The following ZNF786 variants were observed in gnomAD, a reference collection of about 807,000 sequenced individuals.
The protein encoded by ZNF786 is zinc finger protein 786.
A neutral mutation model predicts 63.1 loss-of-function variants in ZNF786; 56 were observed. That is an observed-to-expected ratio of 0.89 (90% CI 0.72 to 1.11). The LOEUF is 1.11. ZNF786 is among the 50% of genes least tolerant of loss of function. The pLI is 0.00. For missense variants in ZNF786, 1,213 were observed against 1,041.8 expected (o/e 1.16, Z -2.26); for synonymous variants, 485 against 406.9 (o/e 1.19, Z -2.31).
At position 149,071,527 on chromosome 7, in the gene ZNF786, G is replaced by T; in HGVS notation, c.1245C>A (p.His415Gln). Residue 415 changes from histidine (H) to glutamine (Q), a missense_variant, in exon 4 of 4, where the codon CAC becomes CAA. By Grantham distance (24) the His-to-Gln change is conservative. Coordinates refer to ENST00000491431, the MANE Select transcript of ZNF786 (RefSeq NM_152411.4). ...GTCTCTCCCCACCGTGCGCGTGCTG[G>T]TGGACCTGCAGCAGGCGGCGCAGGC... ...RFRLRRLLQV[H>Q]QHAHGGERPF... is the part of the protein sequence containing the mutation. 6.2e-7 allele frequency: 1 copy of T among 1,613,286 alleles called. No individual in the cohort carries two copies. Among genetic ancestry groups the T allele is most frequent in the Non-Finnish European group, 8.5e-7 (1 of 1,179,874 alleles).
At chr7:149,080,896 T>TGTTA (rs1156767605) in intron 1 of ZNF786, among the ~76,000 whole-genome samples, 179 bp from the exon 2 acceptor site, 1 of 152,214 alleles carries the variant, frequency 6.6e-6, no homozygotes, top group Non-Finnish European at 1.5e-5. Flanking sequence ...TGTTAACCAC[T>TGTTA]ACATCCCCCG....
In ZNF786 at chr7:149,071,874, G is replaced by A. The variant is rs762159166; in HGVS notation, c.898C>T (p.Pro300Ser). The change falls in exon 4 of 4, where the codon CCA (proline) becomes TCA (serine). Residue 300 changes from proline to serine, a missense_variant. Transcript: ENST00000491431. ...ACTGGGAGGGAGCGCTTGCCGCATG[G>A]GGTGCACTGGGCAGGCTTCTCCCCC... Reference protein sequence around the residue: ...QQGEKPAQCTPCGKRSLPVDS... With the variant: ...QQGEKPAQCTSCGKRSLPVDS... The A allele has an allele frequency of 2.5e-6, 4 of 1,601,174 alleles. No homozygotes were observed. In the South Asian group the frequency reaches 4.4e-5, roughly 18 times the overall value.
At chr7:149,075,796 G>A (rs1316676250) in intron 2 of ZNF786, among the ~76,000 whole-genome samples, 3 of 150,128 alleles carry the variant, frequency 2.0e-5, no homozygotes, top group African/African-American at 7.3e-5. Context: ...CCTGACAGCT[G>A]GGACTACAGG....
At chr7:149,074,738 G>A (rs774125521) in intron 2 of ZNF786, among the ~76,000 whole-genome samples, 200 bp from the exon 3 acceptor site, 6 of 151,602 alleles carry the variant, frequency 4.0e-5, no homozygotes, top group Admixed American at 6.6e-5. Context: ...GTTAGATCAG[G>A]TATGTTGTTT....
chr7:149,072,021 G>C lies in ZNF786; in HGVS notation c.751C>G (p.Arg251Gly), dbSNP rs773268792. The change falls in exon 4 of 4, where the codon CGG becomes GGG. Residue 251 changes from arginine (R) to glycine (G), a missense_variant. Arg to Gly is a moderately radical substitution (Grantham distance 125). Coordinates refer to ENST00000491431, the MANE Select transcript of ZNF786 (RefSeq NM_152411.4). ...RCGVCGKSFR[R>G]KLCLLRHLAA... ...AGATGGCGCAGCAGACACAGCTTCC[G>C]GCGGAAGCTCTTACCGCACACGCCA... 4 of 1,612,984 alleles carry C rather than the reference G, an allele frequency of 2.5e-6. No individual in the cohort carries two copies. The African/African-American group carries it at 5.3e-5, about 22-fold the overall frequency.
Position 149,072,313 on chromosome 7 carries a change from G to A in ZNF786, c.459C>T (p.Ala153=), listed in dbSNP as rs767321055. The part of the protein sequence containing the change: ...RHDARAPPPL[A]CGPSESTLKE... ...TTAGGGTAGATTCACTGGGGCCGCA[G>A]GCTAGTGGTGGAGGAGCCCTGGCGT... Residue 153 remains alanine (A), a synonymous_variant, in exon 4 of 4, where the codon GCC becomes GCT. Transcript: ENST00000491431. The A allele has an allele frequency of 1.3e-5, 21 of 1,613,684 alleles. No homozygotes were observed. The African/African-American group carries it at 2.7e-4, about 21-fold the overall frequency.
intron 3 of ZNF786, 82 bp from the exon 4 acceptor site, chr7:149,072,555 G>T: frequency 7.0e-7 from 1 of 1,422,728 alleles, no homozygotes; most frequent in South Asian, 1.5e-5. Context: ...ACCCACAAGA[G>T]TGCCTTGTGG....
rs1825374414 is a variant in ZNF786, at chr7:149,070,226, A to T, written c.*197T>A. The T allele has an allele frequency of 2.9e-6, 2 of 698,150 alleles. No homozygotes were observed. The highest frequency in any genetic ancestry group is 4.4e-6 in the Non-Finnish European group (2 of 453,192). 43.2% of individuals were successfully genotyped at this position (698,150 alleles called of 1,614,324 possible). Reference sequence around the variant, plus strand: ...ACTCCATCTTGGAAAAAAAAAAAAAAAAGAAAGAAATATAATTGGTGATGC... The same window carrying T: ...ACTCCATCTTGGAAAAAAAAAAAAATAAGAAAGAAATATAATTGGTGATGC... On this transcript the variant is annotated 3_prime_UTR_variant, in exon 4 of 4. Coordinates refer to ENST00000491431, the MANE Select transcript of ZNF786 (RefSeq NM_152411.4).
chr7:149,070,449 C>G lies in ZNF786; in HGVS notation c.2323G>C (p.Ala775Pro). ...CAACTCCAATCGGCCTCTATCATTGCAAACAGTTGGCTGAGCCTTTTCTTA... is the reference window on the plus strand; with the variant it reads ...CAACTCCAATCGGCCTCTATCATTGGAAACAGTTGGCTGAGCCTTTTCTTA... ...DIKKRLSQLF[A>P]MIEADWS Residue 775 changes from alanine (A) to proline (P), a missense_variant, in exon 4 of 4, where the codon GCA (alanine) becomes CCA (proline). Physicochemically the swap from Ala to Pro is conservative, Grantham distance 27. Transcript: ENST00000491431. The G allele has an allele frequency of 6.2e-7, 1 of 1,613,800 alleles. No individual in the cohort carries two copies. The highest frequency in any genetic ancestry group is 1.1e-5 in the South Asian group (1 of 91,036).
chr7:149,084,483 C>T (rs1825699827), intron 1 of ZNF786, among the ~76,000 whole-genome samples: 1 of 151,952 alleles, frequency 6.6e-6, no homozygotes, highest in East Asian at 1.9e-4. Flanking sequence ...TCTCTGTAAC[C>T]TTGTTTTTAA....
At position 149,090,718 on chromosome 7, in the gene ZNF786, T is replaced by C; in HGVS notation, c.-78A>G. 6.8e-7 allele frequency: 1 copy of C among 1,474,410 alleles called. No individual in the cohort carries two copies. Among genetic ancestry groups the C allele is most frequent in the Non-Finnish European group, 9.1e-7 (1 of 1,099,828 alleles). The allele number at this position is 1,474,410 out of a possible 1,614,324, so 91.3% of individuals were successfully genotyped here. On this transcript the variant is annotated 5_prime_UTR_variant, in exon 1 of 4. Transcript: ENST00000491431. ...CGCAGGAACCTGCCCTGCTGCGCAC[T>C]GACTCCCCTCCGCTCCGCCCCAACC...
At chr7:149,081,219 C>T (rs1220183841) in intron 1 of ZNF786, 28 of 453,768 alleles carry the variant, frequency 6.2e-5, no homozygotes, top group Non-Finnish European at 1.1e-4. Context: ...GGGCAGATCA[C>T]GAGGTCAGGA....
Position 149,073,747 on chromosome 7 carries a change from G to GTATATA in ZNF786, c.298+633_298+638dup, listed in dbSNP as rs57987134. Among the ~76,000 whole-genome samples, 224 of 77,548 alleles carry GTATATA rather than the reference G, an allele frequency of 2.9e-3. 1 individual carries two copies. The highest frequency in any genetic ancestry group is 6.4e-3 in the East Asian group (12 of 1,872). 50.9% of individuals were successfully genotyped at this position (77,548 alleles called of 152,430 possible). ...TGCGTGTGTGTGTGTGTGTGTGTGT[G>GTATATA]TATATATATATATATATATATATAT... is the stretch of plus-strand genomic sequence containing the variant. On this transcript the variant is annotated intron_variant, in intron 3 of 3. Transcript: ENST00000491431.
chr7:149,090,579 C>A, intron 1 of ZNF786, 44 bp downstream of exon 1: 1 of 1,550,554 alleles, frequency 6.4e-7, no homozygotes, highest in South Asian at 1.2e-5. Flanking sequence ...CGAGGACCCA[C>A]CACGACCCCG....
chr7:149,089,335 GAT>G (rs1825792374), intron 1 of ZNF786, among the ~76,000 whole-genome samples: 1 of 151,148 alleles, frequency 6.6e-6, no homozygotes, highest in Admixed American at 6.6e-5. Flanking sequence ...TTGTTTTTGA[GAT>G]AGAGTCTCGC....
At chr7:149,073,150 G>C (rs1351691601) in intron 3 of ZNF786, among the ~76,000 whole-genome samples, 1 of 152,194 alleles carries the variant, frequency 6.6e-6, no homozygotes, top group African/African-American at 2.4e-5. Flanking sequence ...ATGGTAGAAA[G>C]TTAAGTAATT....
At position 149,070,349 on chromosome 7, in the gene ZNF786, G is replaced by C; in HGVS notation, c.*74C>G. On this transcript the variant is annotated 3_prime_UTR_variant, in exon 4 of 4. Coordinates refer to ENST00000491431, the MANE Select transcript of ZNF786 (RefSeq NM_152411.4). ...CTGCTCCTAAAACCCGTCTACCAGC[G>C]GGTCTGGCTACTGTTGCTGTGGATT... 2 of 1,548,006 alleles carry C rather than the reference G, an allele frequency of 1.3e-6. No individual in the cohort carries two copies. Among genetic ancestry groups the C allele is most frequent in the Non-Finnish European group, 1.7e-6 (2 of 1,145,556 alleles).
In ZNF786 at chr7:149,090,679, G is replaced by A. The variant is rs377100105; in HGVS notation, c.-39C>T. On this transcript the variant is annotated 5_prime_UTR_variant, in exon 1 of 4. In the 5' UTR this introduces an upstream ATG that the reference lacks. Transcript: ENST00000491431. ...CCGCCCGGCCCTGGCAAACCCGACC[G>A]TCTCCGGCGGCTCCGCAGGAACCTG... is the stretch of plus-strand genomic sequence containing the variant. 5.1e-6 allele frequency: 8 copies of A among 1,567,710 alleles called. No homozygotes were observed. The African/African-American group carries it at 8.3e-5, about 16-fold the overall frequency.
At chr7:149,080,375 C>T (rs1825630006) in intron 2 of ZNF786, among the ~76,000 whole-genome samples, 1 of 152,164 alleles carries the variant, frequency 6.6e-6, no homozygotes, top group Admixed American at 6.6e-5. Context: ...CCCGGACCAC[C>T]TTACATTGTT....
Sources: allele counts gnomAD v4.1 joint callset (sites outside exome capture counted in the v4.1 genomes callset), GRCh38; gene constraint gnomAD v4.1.1; transcripts MANE v1.5; gene names NCBI Gene and HGNC (gene_info 2026-07-23, HGNC 2026-07-21).